The following PCDHA13 variants were observed in gnomAD, a reference collection of about 807,000 sequenced individuals.
The protein encoded by PCDHA13 is protocadherin alpha 13.
PCDHA13 carries 54 observed loss-of-function variants against 64.8 expected under a neutral mutation model. The observed-to-expected ratio is 0.83, with a 90% CI of 0.67 to 1.04. The LOEUF (loss-of-function observed/expected upper bound fraction) is 1.04. Among genes scored for constraint, PCDHA13 ranks in the 50% least tolerant of loss-of-function variants. PCDHA13 has a pLI of 0.00. For missense variants in PCDHA13, 1,248 were observed against 1,254.3 expected, an observed-to-expected ratio of 0.99 and a Z score of 0.08; for synonymous variants, 587 against 564.4, an observed-to-expected ratio of 1.04 and a Z score of -0.57.
chr5:140,887,885 A>G (rs1281444456), intron 1 of PCDHA13, among the ~76,000 whole-genome samples: 1 of 152,144 alleles, frequency 6.6e-6, no homozygotes, highest in Non-Finnish European at 1.5e-5. Context: ...TTGTAGTATC[A>G]TATCTGTTAA....
intron 1 of PCDHA13, among the ~76,000 whole-genome samples, chr5:140,915,092 C>T (rs781958993): frequency 9.2e-5 from 14 of 151,760 alleles, no homozygotes; most frequent in East Asian, 1.9e-4. Context: ...ACTATGGGCA[C>T]GCACCACCAC....
intron 1 of PCDHA13, among the ~76,000 whole-genome samples, chr5:140,914,458 A>G (rs1294717004): frequency 6.6e-6 from 1 of 152,004 alleles, no homozygotes; most frequent in Non-Finnish European, 1.5e-5. Flanking sequence ...TTTCCAGTCT[A>G]TGTGTATCTT....
rs185281311 is a variant in PCDHA13 at position 140,896,058 on chromosome 5, G to A, written c.2394+11396G>A. The stretch of plus-strand genomic sequence containing the variant: ...ACTCCTGACCTCAGGTGATCCGCCT[G>A]CCTCGGCCTCCCAACATGCTGGGAT... On this transcript the variant is annotated intron_variant, in intron 1 of 3. Coordinates refer to ENST00000289272, the MANE Select transcript of PCDHA13 (RefSeq NM_018904.3). 4.1e-3 allele frequency among the ~76,000 whole-genome samples: 624 copies of A among 152,238 alleles called. 2 individuals carry two copies. The highest frequency in any genetic ancestry group is 6.8e-3 in the Middle Eastern group (2 of 294).
intron 1 of PCDHA13, among the ~76,000 whole-genome samples, chr5:140,885,351 G>T (rs2060569192): frequency 1.3e-5 from 2 of 152,052 alleles, no homozygotes; most frequent in Admixed American, 6.5e-5. Context: ...TTTCCAAAAG[G>T]TACTGGTGAC....
In PCDHA13 at chr5:141,010,671, A is replaced by T. The variant is rs375520397; in HGVS notation, c.*734A>T. The T allele has an allele frequency of 5.7e-4, 94 of 164,082 alleles. 1 individual carries two copies. Among genetic ancestry groups the T allele is most frequent in the Non-Finnish European group, 1.2e-3 (86 of 74,622 alleles). The allele number at this position is 164,082 out of a possible 1,614,324, so 10.2% of individuals were successfully genotyped here. A position where few individuals can be genotyped will look rare whatever the true frequency, so the allele number is the denominator to read the frequency against. On this transcript the variant is annotated 3_prime_UTR_variant, in exon 4 of 4. Transcript: ENST00000289272. Reference sequence around the variant, plus strand: ...TGTTTTAACAGAGAACCACCCTGGGAAACAGAAGCAGATCTGATGTGTTTC... The same window carrying T: ...TGTTTTAACAGAGAACCACCCTGGGTAACAGAAGCAGATCTGATGTGTTTC...
chr5:140,913,099 C>T (rs1413383908), intron 1 of PCDHA13, among the ~76,000 whole-genome samples: 4 of 152,132 alleles, frequency 2.6e-5, no homozygotes, highest in Non-Finnish European at 4.4e-5. Context: ...ATACTGGCCT[C>T]ATAGAATCAG....
intron 3 of PCDHA13, among the ~76,000 whole-genome samples, chr5:140,987,781 A>G (rs2097267961): frequency 6.6e-6 from 1 of 152,208 alleles, no homozygotes; most frequent in East Asian, 1.9e-4. Context: ...AGAATCTGCT[A>G]TAGAGAAGAT....
In PCDHA13 at chr5:140,883,219, A is replaced by G. The variant is rs1416740017; in HGVS notation, c.951A>G (p.Glu317=). ...ATTTCGAAGAAAAGAAATTATATGA[A>G]ATATCCGTGGAGGCAGTTGACAAAG... ...KLDFEEKKLY[E]ISVEAVDKGN... Residue 317 remains glutamate (E), a synonymous_variant, in exon 1 of 4, where the codon GAA becomes GAG. Transcript: ENST00000289272. The G allele has an allele frequency of 6.2e-7, 1 of 1,613,942 alleles. No homozygotes were observed. Among genetic ancestry groups the G allele is most frequent in the Non-Finnish European group, 8.5e-7 (1 of 1,180,024 alleles).
chr5:140,891,712 C>T (rs2063219356), intron 1 of PCDHA13, among the ~76,000 whole-genome samples: 1 of 152,148 alleles, frequency 6.6e-6, no homozygotes, highest in Non-Finnish European at 1.5e-5. Context: ...TTTGTACCCC[C>T]AAATTCATGT....
At chr5:140,919,982 G>GA (rs35005979) in intron 1 of PCDHA13, among the ~76,000 whole-genome samples, 49,705 of 152,056 alleles carry the variant, frequency 0.33, 8,403 homozygotes, top group East Asian at 0.53. Flanking sequence ...GATAGAAGAT[G>GA]GAAAACAGAC....
chr5:140,963,175 T>C (rs1408160891), intron 1 of PCDHA13, among the ~76,000 whole-genome samples: 1 of 152,046 alleles, frequency 6.6e-6, no homozygotes, highest in East Asian at 1.9e-4. Context: ...ATCTTACAGA[T>C]ATGCTGTAGA....
At chr5:140,944,046 G>A (rs782798105) in intron 1 of PCDHA13, among the ~76,000 whole-genome samples, 3 of 152,158 alleles carry the variant, frequency 2.0e-5, no homozygotes, top group Non-Finnish European at 4.4e-5. Context: ...AACCAGATTG[G>A]GATACAAAAA....
chr5:140,976,990 A>G (rs1162326000), intron 1 of PCDHA13, among the ~76,000 whole-genome samples: 1 of 152,228 alleles, frequency 6.6e-6, no homozygotes. Flanking sequence ...TCTTACTGCC[A>G]TAAGAAATCT....
chr5:141,010,432 CAA>C lies in PCDHA13; in HGVS notation c.*497_*498del. The C allele has an allele frequency of 8.5e-6, 9 of 1,056,970 alleles. No individual in the cohort carries two copies. The highest frequency in any genetic ancestry group is 1.2e-5 in the Non-Finnish European group (9 of 756,282). 65.5% of individuals were successfully genotyped at this position (1,056,970 alleles called of 1,614,324 possible). A position where few individuals can be genotyped will look rare whatever the true frequency, so the allele number is the denominator to read the frequency against. On this transcript the variant is annotated 3_prime_UTR_variant, in exon 4 of 4. Coordinates refer to ENST00000289272, the MANE Select transcript of PCDHA13 (RefSeq NM_018904.3). Reference sequence around the variant, plus strand: ...AATTGGTACAAGGAAGGCAAGAAAACAAAGACAAATAAACAGCGGAAGTTATC... The same window carrying C: ...AATTGGTACAAGGAAGGCAAGAAAACAGACAAATAAACAGCGGAAGTTATC...
At chr5:140,910,641 C>T (rs1270893523) in intron 1 of PCDHA13, among the ~76,000 whole-genome samples, 1 of 152,206 alleles carries the variant, frequency 6.6e-6, no homozygotes, top group Non-Finnish European at 1.5e-5. Flanking sequence ...CTCCCTAAAC[C>T]TTTTGATCCC....
Position 140,882,976 on chromosome 5 carries a change from T to A in PCDHA13, c.708T>A (p.Asn236Lys). 1 of 1,614,220 alleles carries A rather than the reference T, an allele frequency of 6.2e-7. No individual in the cohort carries two copies. Among genetic ancestry groups the A allele is most frequent in the South Asian group, 1.1e-5 (1 of 91,086 alleles). ...TGCTCATCACGATTCTGGACGTGAA[T>A]GACAACGCCCCGGAATTTTACCAAT... ...VQLLITILDV[N>K]DNAPEFYQSV... is the part of the protein sequence containing the mutation. The change falls in exon 1 of 4, where the codon AAT (asparagine) becomes AAA (lysine). Residue 236 changes from asparagine (N) to lysine (K), a missense_variant. By Grantham distance (94) the Asn-to-Lys change is moderately conservative (BLOSUM62 0). Transcript: ENST00000289272.
At position 140,884,536 on chromosome 5, in the gene PCDHA13, G is replaced by A; in HGVS notation, c.2268G>A (p.Pro756=). The A allele has an allele frequency of 6.8e-6, 11 of 1,614,090 alleles. No individual in the cohort carries two copies. Among genetic ancestry groups the A allele is most frequent in the African/African-American group, 1.3e-5 (1 of 75,062 alleles). ...GGTCGTACTCGCAGCAGAGGCGGCC[G>A]AGGGTGTGCTCTGGGGAGGGCCCGC... ...GSWSYSQQRR[P]RVCSGEGPHK... is the part of the protein sequence containing the mutation. Residue 756 remains proline (P), a synonymous_variant, in exon 1 of 4, where the codon CCG becomes CCA. Transcript: ENST00000289272.
intron 1 of PCDHA13, chr5:140,929,554 C>A (rs899446101): frequency 6.1e-6 from 3 of 488,410 alleles, no homozygotes; most frequent in African/African-American, 4.0e-5. Flanking sequence ...AAAATTAAAA[C>A]CTATTTAAGA....
chr5:140,952,379 G>T (rs1384901092), intron 1 of PCDHA13, among the ~76,000 whole-genome samples: 1 of 151,322 alleles, frequency 6.6e-6, no homozygotes, highest in Non-Finnish European at 1.5e-5. Flanking sequence ...TCCTCTGCCA[G>T]GTACCCTAAA....
Sources: gnomAD v4.1 joint callset for allele counts (sites outside exome capture counted in the v4.1 genomes callset) on GRCh38, gnomAD v4.1.1 for gene constraint, MANE v1.5 for transcripts, NCBI Gene and HGNC (gene_info 2026-07-23, HGNC 2026-07-21) for gene names.